DPH6: variants seen among roughly 807,000 people sequenced by gnomAD.
DPH6 encodes the protein diphthamine biosynthesis 6.
Under a neutral mutation model 38.2 loss-of-function variants are expected in DPH6, and 33 were observed. The ratio of observed to expected loss-of-function variants is 0.86; its 90% CI spans 0.65 to 1.15. The LOEUF (loss-of-function observed/expected upper bound fraction) is 1.15, where lower values mean the gene tolerates loss of function less well. Ranked by LOEUF, DPH6 falls within the 50% of genes most tolerant of loss-of-function variation. The pLI is 0.00. For synonymous variants in DPH6, 108 were observed against 103.0 expected (o/e 1.05, Z -0.30); for missense variants, 325 against 320.0 (o/e 1.02, Z -0.12).
Position 35,538,352 on chromosome 15 carries a change from G to A in DPH6, c.234C>T (p.Ser78=), listed in dbSNP as rs748153954. The stretch of plus-strand genomic sequence containing the variant: ...TGGTGTACACTTGTCTTGTATCCAA[G>A]CTCCTTCCTCTTATGGTTCGGCGAT... ...PLYRRTIRGR[S]LDTRQVYTKC... The change falls in exon 3 of 9, where the codon AGC becomes AGT. Residue 78 remains serine, a synonymous_variant. Transcript: ENST00000256538. 187 of 1,611,430 alleles carry A rather than the reference G, an allele frequency of 1.2e-4. No homozygotes were observed. The highest frequency in any genetic ancestry group is 1.5e-4 in the Non-Finnish European group (177 of 1,178,168).
At chr15:35,527,891 A>G (rs1270797502) in intron 3 of DPH6, among the ~76,000 whole-genome samples, 1 of 152,174 alleles carries the variant, frequency 6.6e-6, no homozygotes, top group East Asian at 1.9e-4. Context: ...ACACTTTAGA[A>G]AGATTCCTCT....
chr15:35,422,536 C>T lies in DPH6; in HGVS notation c.506-11640G>A, dbSNP rs140765282. On this transcript the variant is annotated intron_variant, in intron 5 of 8. Coordinates refer to ENST00000256538, the MANE Select transcript of DPH6 (RefSeq NM_080650.4). ...CACCACAATCAAGCAAATTAACATACCCATCTCCTCACACAGTTACCATTT... is the reference window on the plus strand; with the variant it reads ...CACCACAATCAAGCAAATTAACATATCCATCTCCTCACACAGTTACCATTT... Among the ~76,000 whole-genome samples the T allele has an allele frequency of 4.7e-3, 709 of 151,998 alleles. 8 individuals carry two copies. Among genetic ancestry groups the T allele is most frequent in the African/African-American group, 0.016 (649 of 41,534 alleles).
chr15:35,528,685 T>C (rs765281517), intron 3 of DPH6, among the ~76,000 whole-genome samples: 4 of 152,304 alleles, frequency 2.6e-5, no homozygotes, highest in Admixed American at 2.6e-4. Flanking sequence ...AAGAATTTGT[T>C]GAACAGTAAG....
downstream of DPH6, among the ~76,000 whole-genome samples, chr15:35,368,023 A>G (rs928650052): frequency 6.6e-6 from 1 of 151,976 alleles, no homozygotes; most frequent in African/African-American, 2.4e-5. Flanking sequence ...GAAGATGAAA[A>G]TGGAACAGTA....
intron 5 of DPH6, among the ~76,000 whole-genome samples, chr15:35,437,773 A>G (rs555358438): frequency 6.6e-6 from 1 of 152,344 alleles, no homozygotes; most frequent in South Asian, 2.1e-4. Flanking sequence ...ACTTTGCTGC[A>G]GGCCTCTATC....
intron 3 of DPH6, among the ~76,000 whole-genome samples, chr15:35,458,419 T>C (rs553876666): frequency 3.3e-5 from 5 of 152,250 alleles, no homozygotes; most frequent in Admixed American, 6.5e-5. Flanking sequence ...GGGATAAGAA[T>C]GACTTCTGCT....
intron 5 of DPH6, among the ~76,000 whole-genome samples, chr15:35,441,445 TGTGGCACATATAC>T (rs1374539638): frequency 6.6e-6 from 1 of 152,056 alleles, no homozygotes. Flanking sequence ...ATAAAGAAAA[TGTGGCACATATAC>T]AGCATGGAGT....
intron 3 of DPH6, among the ~76,000 whole-genome samples, chr15:35,526,083 A>G (rs2054997155): frequency 6.6e-6 from 1 of 152,190 alleles, no homozygotes; most frequent in Non-Finnish European, 1.5e-5. Context: ...AGAAATGGCT[A>G]TCAGGCCAAT....
chr15:35,493,488 T>C (rs968382274), intron 3 of DPH6, among the ~76,000 whole-genome samples: 1 of 151,994 alleles, frequency 6.6e-6, no homozygotes, highest in Middle Eastern at 3.2e-3. Context: ...TACATAATAC[T>C]TGAAGAAAAA....
chr15:35,200,800 T>C, the DPH6 span, among the ~76,000 whole-genome samples: 1 of 151,840 alleles, frequency 6.6e-6, no homozygotes. Context: ...TGAAATTGTT[T>C]TATGTAAAAA....
intron 3 of DPH6, among the ~76,000 whole-genome samples, chr15:35,459,447 C>G (rs140560687): frequency 6.6e-5 from 10 of 152,298 alleles, no homozygotes; most frequent in African/African-American, 2.4e-4. Flanking sequence ...TCTCCAAATA[C>G]CATCACATGT....
At position 35,264,119 on chromosome 15, in the gene DPH6, TA is replaced by T. The variant is rs199909944; in HGVS notation, n.201-43538del. Among the ~76,000 whole-genome samples the T allele has an allele frequency of 2.9e-3, 433 of 149,748 alleles. 3 individuals carry two copies. The highest frequency in any genetic ancestry group is 0.01 in the African/African-American group (417 of 40,854). Reference sequence around the variant, plus strand: ...TTGTTTTTTTTTTTAATTCAAAGATTAAAAAAAAAGGACACAAGTATTTTAA... The same window carrying T: ...TTGTTTTTTTTTTTAATTCAAAGATTAAAAAAAAGGACACAAGTATTTTAA... On this transcript the variant is annotated intron_variant and non_coding_transcript_variant, in intron 3 of 3. Coordinates refer to the DPH6 transcript ENST00000560386.
chr15:35,483,933 C>T (rs1339779148), intron 3 of DPH6, among the ~76,000 whole-genome samples: 1 of 152,130 alleles, frequency 6.6e-6, no homozygotes, highest in African/African-American at 2.4e-5. Context: ...GCTAAACAGA[C>T]TACATATTGG....
rs112051801 is a variant in DPH6 at position 35,318,701 on chromosome 15, C to A, written n.200+54820G>T. On this transcript the variant is annotated intron_variant and non_coding_transcript_variant, in intron 3 of 3. Transcript: ENST00000560386. ...ATAGCCTAAACTAAGACTACAACAC[C>A]TAAGAACCACTAGAAGTCTTCTACT... 4.2e-3 allele frequency among the ~76,000 whole-genome samples: 642 copies of A among 152,200 alleles called. 5 individuals are homozygous for A. The highest frequency in any genetic ancestry group is 0.014 in the African/African-American group (599 of 41,514).
intron 3 of DPH6, among the ~76,000 whole-genome samples, chr15:35,526,261 G>C (rs1490115438): frequency 6.6e-6 from 1 of 152,084 alleles, no homozygotes; most frequent in Non-Finnish European, 1.5e-5. Flanking sequence ...CATTTCAATG[G>C]CTCCAAAACC....
chr15:35,257,121 A>T (rs2051713797), intron 3 of DPH6, among the ~76,000 whole-genome samples: 1 of 152,208 alleles, frequency 6.6e-6, no homozygotes, highest in African/African-American at 2.4e-5. Context: ...AAGTGTCAGT[A>T]GTGACATGGG....
intron 3 of DPH6, among the ~76,000 whole-genome samples, chr15:35,259,945 T>C (rs901907904): frequency 1.3e-5 from 2 of 152,112 alleles, no homozygotes; most frequent in Non-Finnish European, 2.9e-5. Context: ...GGAGGAGACA[T>C]AAGACCTACA....
At chr15:35,409,419 T>C (rs1439945401) in intron 6 of DPH6, among the ~76,000 whole-genome samples, 7 of 151,954 alleles carry the variant, frequency 4.6e-5, no homozygotes, top group African/African-American at 1.7e-4. Context: ...TTGAATAAAA[T>C]GATTTCTGCA....
chr15:35,492,256 T>C (rs2054493462), intron 3 of DPH6, among the ~76,000 whole-genome samples: 2 of 152,132 alleles, frequency 1.3e-5, no homozygotes, highest in South Asian at 2.1e-4. Flanking sequence ...TTACTCCGTT[T>C]ACAAATTCAA....
Sources: allele counts gnomAD v4.1 joint callset (sites outside exome capture counted in the v4.1 genomes callset), GRCh38; gene constraint gnomAD v4.1.1; transcripts MANE v1.5; gene names NCBI Gene and HGNC (gene_info 2026-07-23, HGNC 2026-07-21).